Variants in ZRANB1 observed in about 807,000 individuals in gnomAD.
ZRANB1 encodes the protein ubiquitin thioesterase ZRANB1.
In ZRANB1, 16 loss-of-function variants were observed where a neutral mutation model predicts 80.5. The observed-to-expected ratio is 0.20, with a 90% CI of 0.13 to 0.30. The LOEUF (loss-of-function observed/expected upper bound fraction) is 0.30. ZRANB1 is among the 10% of genes least tolerant of loss of function. The pLI is 1.00. For missense variants in ZRANB1, 576 were observed against 862.6 expected, an observed-to-expected ratio of 0.67 and a Z score of 4.16; for synonymous variants, 291 against 293.1, an observed-to-expected ratio of 0.99 and a Z score of 0.07.
intron 1 of ZRANB1, chr10:124,945,408 CATTTTTTTTTTTTTT>C (rs1044177297): frequency 1.7e-5 from 1 of 60,036 alleles, no homozygotes; most frequent in Non-Finnish European, 2.9e-5. Context: ...GTCTTAAAAT[CATTTTTTTTTTTTTT>C]TTTTTTTTTT....
At chr10:124,978,236 G>A (rs993252201) in intron 5 of ZRANB1, among the ~76,000 whole-genome samples, 1 of 152,182 alleles carries the variant, frequency 6.6e-6, no homozygotes, top group Non-Finnish European at 1.5e-5. Context: ...GTGAGCAGCC[G>A]TGGGTTTTCT....
chr10:124,945,286 G>T (rs939564515), intron 1 of ZRANB1: 3 of 152,064 alleles, frequency 2.0e-5, no homozygotes, highest in African/African-American at 7.2e-5. Flanking sequence ...TCTGCTTTTG[G>T]TGTCTGTGGA....
intron 1 of ZRANB1, among the ~76,000 whole-genome samples, chr10:124,953,408 G>A (rs1188759683): frequency 1.3e-5 from 2 of 152,144 alleles, no homozygotes; most frequent in African/African-American, 4.8e-5. Context: ...TGCTGGATAT[G>A]TTTGGGGGTT....
At chr10:124,922,094 A>G in the ZRANB1 span, among the ~76,000 whole-genome samples, 18 of 151,608 alleles carry the variant, frequency 1.2e-4, no homozygotes, top group African/African-American at 4.4e-4. Flanking sequence ...GGTGTGTACC[A>G]TTGTGCCTGG....
At chr10:124,928,187 G>C in the ZRANB1 span, among the ~76,000 whole-genome samples, 1 of 152,206 alleles carries the variant, frequency 6.6e-6, no homozygotes, top group Non-Finnish European at 1.5e-5. Context: ...GTAAGAAGGG[G>C]AATAGGAGTA....
At chr10:124,953,972 C>CT (rs1413494161) in intron 1 of ZRANB1, among the ~76,000 whole-genome samples, 1 of 144,412 alleles carries the variant, frequency 6.9e-6, no homozygotes, top group South Asian at 2.2e-4. Context: ...TCTTTCTTTT[C>CT]TTTTTTTTCT....
chr10:124,954,490 C>T (rs572440239), intron 1 of ZRANB1, among the ~76,000 whole-genome samples: 22 of 147,672 alleles, frequency 1.5e-4, no homozygotes, highest in Admixed American at 8.2e-4. Flanking sequence ...CTCTGTTGTC[C>T]AGGCTGGAGT....
intron 1 of ZRANB1, among the ~76,000 whole-genome samples, chr10:124,944,197 G>T (rs1564955410): frequency 6.6e-6 from 1 of 151,836 alleles, no homozygotes; most frequent in East Asian, 1.9e-4. Flanking sequence ...TTTTTTTTGA[G>T]TAGATTAGAT....
intron 8 of ZRANB1, 148 bp from the exon 9 acceptor site, chr10:124,984,626 A>C: frequency 1.4e-6 from 1 of 738,990 alleles, no homozygotes. Context: ...TAATCACAAA[A>C]CTTCCAAGAG....
At chr10:124,980,712 ACTCT>A (rs562391462) in intron 5 of ZRANB1, among the ~76,000 whole-genome samples, 76 of 152,326 alleles carry the variant, frequency 5.0e-4, no homozygotes, top group South Asian at 1.2e-3. Flanking sequence ...AAATATATTT[ACTCT>A]CTAAGGAGCC....
At chr10:124,926,689 CTG>C in the ZRANB1 span, among the ~76,000 whole-genome samples, 6 of 152,128 alleles carry the variant, frequency 3.9e-5, no homozygotes, top group African/African-American at 1.4e-4. Context: ...AGTAAACAAA[CTG>C]GTAACATACT....
chr10:124,932,050 A>G, the ZRANB1 span, among the ~76,000 whole-genome samples: 1 of 152,150 alleles, frequency 6.6e-6, no homozygotes, highest in African/African-American at 2.4e-5. Flanking sequence ...AATGTCATAT[A>G]GTTGGAATCA....
chr10:124,943,424 G>A, intron 1 of ZRANB1, 117 bp downstream of exon 1: 2 of 943,164 alleles, frequency 2.1e-6, no homozygotes, highest in Non-Finnish European at 3.1e-6. Context: ...CTTGAAACCA[G>A]GAGTTTGAGG....
intron 6 of ZRANB1, among the ~76,000 whole-genome samples, chr10:124,982,644 T>C: frequency 6.6e-6 from 1 of 152,216 alleles, no homozygotes; most frequent in Non-Finnish European, 1.5e-5. Context: ...ACCCGATCTT[T>C]GGGCAATTTG....
chr10:124,935,906 T>C, the ZRANB1 span, among the ~76,000 whole-genome samples: 1 of 152,190 alleles, frequency 6.6e-6, no homozygotes, highest in African/African-American at 2.4e-5. Flanking sequence ...GAAAAACATA[T>C]ATGAATTAGC....
the ZRANB1 span, among the ~76,000 whole-genome samples, chr10:124,919,388 T>G: frequency 1.3e-5 from 2 of 151,772 alleles, no homozygotes; most frequent in Non-Finnish European, 2.9e-5. Flanking sequence ...CTACTAAAAA[T>G]ACAAGAAAAT....
At chr10:124,947,166 T>C (rs979111754) in intron 1 of ZRANB1, among the ~76,000 whole-genome samples, 7 of 152,158 alleles carry the variant, frequency 4.6e-5, no homozygotes, top group Admixed American at 3.3e-4. Flanking sequence ...TGAGAGGATG[T>C]TGGGGACAGC....
intron 6 of ZRANB1, among the ~76,000 whole-genome samples, chr10:124,982,141 G>A (rs747226098): frequency 2.6e-5 from 4 of 152,208 alleles, no homozygotes; most frequent in Non-Finnish European, 4.4e-5. Flanking sequence ...GTTACATACA[G>A]TAGATAGTCT....
At chr10:124,930,448 T>C in the ZRANB1 span, among the ~76,000 whole-genome samples, 2 of 152,164 alleles carry the variant, frequency 1.3e-5, no homozygotes, top group Non-Finnish European at 2.9e-5. Flanking sequence ...GTATTTTTAG[T>C]AGAGACAGGG....
Sources: gnomAD v4.1 joint callset for allele counts (sites outside exome capture counted in the v4.1 genomes callset) on GRCh38, gnomAD v4.1.1 for gene constraint, MANE v1.5 for transcripts, NCBI Gene and HGNC (gene_info 2026-07-23, HGNC 2026-07-21) for gene names.